Variants in ALOX5 observed in about 807,000 individuals in gnomAD.
ALOX5 encodes arachidonate 5-lipoxygenase.
Under a neutral mutation model 87.9 loss-of-function variants are expected in ALOX5, and 64 were observed. That is an observed-to-expected ratio of 0.73 (90% confidence interval 0.60 to 0.90). The LOEUF is 0.90. Among genes scored for constraint, ALOX5 ranks in the 40% least tolerant of loss-of-function variants. ALOX5 has a pLI of 0.00. For missense variants in ALOX5, 822 were observed against 907.5 expected (o/e 0.91, Z 1.21); for synonymous variants, 388 against 355.1 (o/e 1.09, Z -1.04).
chr10:45,377,403 C>G (rs1195805631), intron 1 of ALOX5, among the ~76,000 whole-genome samples: 1 of 151,468 alleles, frequency 6.6e-6, no homozygotes, highest in Non-Finnish European at 1.5e-5. Flanking sequence ...CGTTTCTGCT[C>G]TCTACCCTAC....
At chr10:45,418,486 C>A (rs1225341052) in intron 4 of ALOX5, among the ~76,000 whole-genome samples, 1 of 152,148 alleles carries the variant, frequency 6.6e-6, no homozygotes, top group Admixed American at 6.5e-5. Flanking sequence ...CCTCTGGGAC[C>A]GCGTCTCCAC....
At chr10:45,380,974 G>A (rs534467145) in intron 1 of ALOX5, among the ~76,000 whole-genome samples, 2 of 152,332 alleles carry the variant, frequency 1.3e-5, no homozygotes, top group East Asian at 3.9e-4. Flanking sequence ...GGAGGGCATC[G>A]AGTCCGGGGC....
chr10:45,440,344 TG>T, intron 7 of ALOX5, 85 bp from the exon 8 acceptor site: 2 of 1,414,550 alleles, frequency 1.4e-6, no homozygotes, highest in Non-Finnish European at 2.0e-6. Flanking sequence ...CAGATACTTC[TG>T]GAACTTCCCA....
intron 3 of ALOX5, among the ~76,000 whole-genome samples, 195 bp downstream of exon 3, chr10:45,396,131 G>A (rs1840494564): frequency 6.6e-6 from 1 of 152,228 alleles, no homozygotes; most frequent in Non-Finnish European, 1.5e-5. Context: ...ATGGAGAGGA[G>A]AGTAATGAAA....
chr10:45,391,318 C>T (rs1157536751), intron 2 of ALOX5, among the ~76,000 whole-genome samples: 1 of 152,240 alleles, frequency 6.6e-6, no homozygotes, highest in East Asian at 1.9e-4. Context: ...TGGTCTCCAG[C>T]TCCTAACCGC....
intron 6 of ALOX5, 183 bp from the exon 7 acceptor site, chr10:45,428,435 C>T (rs1034969325): frequency 5.4e-6 from 4 of 734,072 alleles, no homozygotes; most frequent in South Asian, 2.0e-5. Flanking sequence ...ACTGCCACAA[C>T]CTGTGAACAC....
At chr10:45,414,319 C>G (rs376226676) in intron 4 of ALOX5, among the ~76,000 whole-genome samples, 15 of 152,090 alleles carry the variant, frequency 9.9e-5, no homozygotes, top group Admixed American at 7.2e-4. Flanking sequence ...ACAAACCTGA[C>G]AAAAACAAGC....
At chr10:45,405,509 C>T (rs369231783) in intron 3 of ALOX5, among the ~76,000 whole-genome samples, 2 of 152,048 alleles carry the variant, frequency 1.3e-5, no homozygotes, top group Admixed American at 6.5e-5. Context: ...GGATAGTATC[C>T]GTTTGTTACA....
At chr10:45,399,682 A>G (rs1244161777) in intron 3 of ALOX5, among the ~76,000 whole-genome samples, 1 of 152,350 alleles carries the variant, frequency 6.6e-6, no homozygotes, top group East Asian at 1.9e-4. Context: ...TTCAAAGGAC[A>G]TCATCAATAA....
intron 7 of ALOX5, among the ~76,000 whole-genome samples, chr10:45,436,043 A>G (rs1842053208): frequency 1.3e-5 from 2 of 151,936 alleles, no homozygotes; most frequent in South Asian, 4.1e-4. Context: ...ATTTTTTCAT[A>G]TGTTTGTTGG....
At chr10:45,445,091 T>C (rs1441509820) in intron 13 of ALOX5, among the ~76,000 whole-genome samples, 1 of 152,258 alleles carries the variant, frequency 6.6e-6, no homozygotes, top group East Asian at 1.9e-4. Flanking sequence ...TCAGGCTCCC[T>C]GGCCCGCTTT....
intron 5 of ALOX5, among the ~76,000 whole-genome samples, chr10:45,424,528 A>G (rs78552493): frequency 0.039 from 5,974 of 152,322 alleles, 132 homozygotes; most frequent in Middle Eastern, 0.13. Context: ...CCTTTGGACT[A>G]GGATGTGTTT....
Position 45,425,276 on chromosome 10 carries a change from C to A in ALOX5, c.834+144C>A. ...AGCAGCCGCTTCCTTTTCCTGGCAG[C>A]AGTGTCAGCCAGGGTCCTGGGCATT... On this transcript the variant is annotated intron_variant, in intron 6 of 13. Coordinates refer to ENST00000374391, the MANE Select transcript of ALOX5 (RefSeq NM_000698.5). This position sits in a 1 kb window ranked among gnomAD's most constrained non-coding sequence, Gnocchi z 4.4. 2 of 964,906 alleles carry A rather than the reference C, an allele frequency of 2.1e-6. No homozygotes were observed. Among genetic ancestry groups the A allele is most frequent in the Non-Finnish European group, 3.0e-6 (2 of 668,516 alleles). 59.8% of individuals were successfully genotyped at this position (964,906 alleles called of 1,614,324 possible).
intron 3 of ALOX5, among the ~76,000 whole-genome samples, chr10:45,402,459 C>G (rs1045977541): frequency 6.6e-6 from 1 of 152,102 alleles, no homozygotes; most frequent in African/African-American, 2.4e-5. Context: ...ACATGCATCT[C>G]GAGGACAGGG....
intron 7 of ALOX5, among the ~76,000 whole-genome samples, chr10:45,429,495 T>C (rs1841843097): frequency 6.6e-6 from 1 of 152,216 alleles, no homozygotes; most frequent in Non-Finnish European, 1.5e-5. Context: ...GGCTATCCTA[T>C]GGGTTAACCT....
At chr10:45,389,056 C>T (rs1344380437) in intron 2 of ALOX5, among the ~76,000 whole-genome samples, 2 of 152,182 alleles carry the variant, frequency 1.3e-5, no homozygotes, top group African/African-American at 4.8e-5. Flanking sequence ...GCACAAGCTT[C>T]AGTAGCCGAT....
chr10:45,402,481 C>T (rs532820973), intron 3 of ALOX5, among the ~76,000 whole-genome samples: 5 of 152,228 alleles, frequency 3.3e-5, no homozygotes, highest in African/African-American at 9.6e-5. Flanking sequence ...CCAGCCAGCA[C>T]GGAGGGCTGA....
chr10:45,402,901 A>T (rs1460575187), intron 3 of ALOX5, among the ~76,000 whole-genome samples: 1 of 152,224 alleles, frequency 6.6e-6, no homozygotes, highest in Non-Finnish European at 1.5e-5. Flanking sequence ...GTTCAACTTC[A>T]TTAGGACTCG....
intron 2 of ALOX5, among the ~76,000 whole-genome samples, chr10:45,394,863 C>G (rs1235669426): frequency 1.3e-5 from 2 of 152,216 alleles, no homozygotes; most frequent in Non-Finnish European, 2.9e-5. Context: ...AAATGCTCAT[C>G]ATCACTGGCC....
Sources: gnomAD v4.1 joint callset for allele counts (sites outside exome capture counted in the v4.1 genomes callset) on GRCh38, gnomAD v4.1.1 for gene constraint, Gnocchi (gnomAD v3.1) non-coding constraint, MANE v1.5 for transcripts, NCBI Gene and HGNC (gene_info 2026-07-23, HGNC 2026-07-21) for gene names.